Variants in CUX1 observed in about 807,000 individuals in gnomAD.
The protein encoded by CUX1 is protein CASP.
CUX1 carries 31 observed loss-of-function variants against 158.8 expected under a neutral mutation model. The ratio of observed to expected loss-of-function variants is 0.20; its 90% CI spans 0.15 to 0.26. The LOEUF is 0.26. Ranked by LOEUF, CUX1 falls within the 10% of genes least tolerant of loss-of-function variation. CUX1 has a pLI of 1.00. For missense variants in CUX1, 1,589 were observed against 2,014.6 expected, an observed-to-expected ratio of 0.79 and a Z score of 4.04; for synonymous variants, 879 against 862.1, an observed-to-expected ratio of 1.02 and a Z score of -0.34.
chr7:102,207,045 G>A (rs1426317766), intron 20 of CUX1, among the ~76,000 whole-genome samples: 3 of 152,162 alleles, frequency 2.0e-5, no homozygotes, highest in African/African-American at 7.2e-5. Context: ...ACGGATCATC[G>A]CCACTGTGCT....
chr7:101,845,673 A>G (rs1795614989), intron 1 of CUX1, among the ~76,000 whole-genome samples: 1 of 152,178 alleles, frequency 6.6e-6, no homozygotes, highest in Admixed American at 6.5e-5. Context: ...CTTGCTAGGC[A>G]AAGTGATTCA....
chr7:101,875,040 C>T (rs568078082), intron 1 of CUX1, among the ~76,000 whole-genome samples: 2 of 152,194 alleles, frequency 1.3e-5, no homozygotes, highest in African/African-American at 2.4e-5. Flanking sequence ...GACAGGAAGA[C>T]GTCAAAAAGG....
intron 4 of CUX1, among the ~76,000 whole-genome samples, chr7:102,082,751 G>A (rs1451734312): frequency 6.8e-6 from 1 of 147,362 alleles, no homozygotes; most frequent in Non-Finnish European, 1.5e-5. Context: ...TCAGCGCGGT[G>A]TTTTGGGATT....
intron 2 of CUX1, among the ~76,000 whole-genome samples, chr7:101,945,846 C>G (rs556264018): frequency 6.6e-6 from 1 of 152,188 alleles, no homozygotes; most frequent in African/African-American, 2.4e-5. Context: ...CTTCCCTCCA[C>G]CTATGGGTCT....
At chr7:101,993,434 C>T (rs1322508346) in intron 2 of CUX1, among the ~76,000 whole-genome samples, 1 of 152,228 alleles carries the variant, frequency 6.6e-6, no homozygotes, top group African/African-American at 2.4e-5. Context: ...GAGAGAGCTG[C>T]AGCTGCTCTG....
In CUX1 at chr7:102,250,907, T is replaced by G; in HGVS notation, c.*1865T>G. On this transcript the variant is annotated 3_prime_UTR_variant, in exon 24 of 24. Transcript: ENST00000292535. ...TTATCAGTTACGGCTTCTACAAGTT[T>G]GCTAATTTAGACTTCTTTATTGCCA... is the stretch of plus-strand genomic sequence containing the variant. 1.0e-6 allele frequency: 1 copy of G among 985,380 alleles called. No individual in the cohort carries two copies. The highest frequency in any genetic ancestry group is 1.2e-6 in the Non-Finnish European group (1 of 829,878). 61.0% of individuals were successfully genotyped at this position (985,380 alleles called of 1,614,324 possible).
At chr7:101,910,022 C>T (rs1215566923) in intron 1 of CUX1, among the ~76,000 whole-genome samples, 3 of 152,150 alleles carry the variant, frequency 2.0e-5, no homozygotes, top group African/African-American at 4.8e-5. Flanking sequence ...CGAGTTCAAG[C>T]GATTCTCCTG....
intron 3 of CUX1, among the ~76,000 whole-genome samples, chr7:102,063,241 T>C (rs1343821719): frequency 1.3e-5 from 2 of 152,068 alleles, no homozygotes; most frequent in Non-Finnish European, 2.9e-5. Context: ...GGAAGACAGC[T>C]GGAGAGCGCT....
chr7:102,093,834 G>A (rs576497700), intron 4 of CUX1, among the ~76,000 whole-genome samples: 5 of 152,208 alleles, frequency 3.3e-5, no homozygotes, highest in South Asian at 2.1e-4. Context: ...GCAGGAAAGC[G>A]TGTTGAATCG....
chr7:101,871,666 G>A (rs911172092), intron 1 of CUX1, among the ~76,000 whole-genome samples: 1 of 152,162 alleles, frequency 6.6e-6, no homozygotes, highest in African/African-American at 2.4e-5. Context: ...AGTAAGTAAG[G>A]GTGGTGGTGG....
At chr7:102,058,020 C>T (rs1472566475) in intron 3 of CUX1, among the ~76,000 whole-genome samples, 1 of 152,128 alleles carries the variant, frequency 6.6e-6, no homozygotes, top group Non-Finnish European at 1.5e-5. Context: ...AACCACAACC[C>T]TGATCAGTCT....
intron 11 of CUX1, chr7:102,188,677 A>G (rs1554515995): frequency 6.6e-6 from 1 of 151,990 alleles, no homozygotes; most frequent in African/African-American, 2.4e-5. Flanking sequence ...AGGAGTGGTG[A>G]TGCATGCCTG....
At chr7:102,203,380 C>G (rs1795646987) in intron 18 of CUX1, among the ~76,000 whole-genome samples, 1 of 152,032 alleles carries the variant, frequency 6.6e-6, no homozygotes, top group African/African-American at 2.4e-5. Context: ...ATGGCGCCGT[C>G]CCCGCACTCC....
chr7:102,223,499 G>A (rs1473109749), intron 20 of CUX1, among the ~76,000 whole-genome samples: 4 of 152,032 alleles, frequency 2.6e-5, no homozygotes, highest in African/African-American at 9.7e-5. Flanking sequence ...GCAGCGGGGA[G>A]AGTTGGCTTC....
chr7:102,002,120 C>A (rs924481458), intron 2 of CUX1, among the ~76,000 whole-genome samples: 2 of 152,032 alleles, frequency 1.3e-5, no homozygotes, highest in Admixed American at 6.6e-5. Context: ...ATAACGAGAC[C>A]CCCATCTCTA....
chr7:102,126,269 T>TCTC (rs1554495267), intron 8 of CUX1, among the ~76,000 whole-genome samples: 1 of 151,674 alleles, frequency 6.6e-6, no homozygotes, highest in African/African-American at 2.4e-5. Context: ...GAACTCCTGG[T>TCTC]CTCAAGTGAT....
intron 2 of CUX1, among the ~76,000 whole-genome samples, chr7:101,933,582 A>T (rs1263811855): frequency 1.3e-5 from 2 of 152,142 alleles, no homozygotes; most frequent in African/African-American, 2.4e-5. Context: ...TCTACTATTA[A>T]GATCAGATGA....
rs552547785 is a variant in CUX1 at position 102,214,743 on chromosome 7, G to A, written c.3130+9573G>A. ...CCCGCTCCCGGTGAGGATAAGGAGG[G>A]GAGTTTCTTAATGGCATTGCCCTGG... On this transcript the variant is annotated intron_variant, in intron 20 of 23. Coordinates refer to ENST00000292535, the MANE Select transcript of CUX1 (RefSeq NM_181552.4). 6.6e-5 allele frequency among the ~76,000 whole-genome samples: 10 copies of A among 152,338 alleles called. No individual in the cohort carries two copies. In the East Asian group the frequency reaches 1.2e-3, roughly 18 times the overall value.
At chr7:101,849,379 G>A (rs1796034658) in intron 1 of CUX1, among the ~76,000 whole-genome samples, 2 of 150,278 alleles carry the variant, frequency 1.3e-5, no homozygotes, top group South Asian at 4.2e-4. Context: ...CCCTCTCTGT[G>A]TCCATGTGTT....
Sources: gnomAD v4.1 joint callset for allele counts (sites outside exome capture counted in the v4.1 genomes callset) on GRCh38, gnomAD v4.1.1 for gene constraint, MANE v1.5 for transcripts, NCBI Gene and HGNC (gene_info 2026-07-23, HGNC 2026-07-21) for gene names.